Variants in IMMP2L observed in about 807,000 individuals in gnomAD.
The protein encoded by IMMP2L is mitochondrial inner membrane protease subunit 2.
IMMP2L carries 18 observed loss-of-function variants against 19.3 expected under a neutral mutation model. That is an observed-to-expected ratio of 0.93 (90% CI 0.64 to 1.38). IMMP2L has a LOEUF of 1.38. IMMP2L is among the 40% of genes most tolerant of loss of function. The pLI, the probability that IMMP2L is intolerant of heterozygous loss-of-function variation, is 0.00. For synonymous variants in IMMP2L, 76 were observed against 73.0 expected, an observed-to-expected ratio of 1.04 and a Z score of -0.21; for missense variants, 233 against 218.2, an observed-to-expected ratio of 1.07 and a Z score of -0.43.
chr7:110,815,499 T>C (rs994355476), intron 5 of IMMP2L, among the ~76,000 whole-genome samples: 4 of 152,152 alleles, frequency 2.6e-5, no homozygotes, highest in African/African-American at 9.7e-5. Context: ...TTAGGGAGGA[T>C]TTCCTCTTTT....
chr7:111,145,473 C>T (rs1486530905), intron 3 of IMMP2L, among the ~76,000 whole-genome samples: 1 of 152,068 alleles, frequency 6.6e-6, no homozygotes, highest in Non-Finnish European at 1.5e-5. Flanking sequence ...AACAAAAGGC[C>T]ATTGCTCTGG....
chr7:110,703,320 G>A lies in IMMP2L; in HGVS notation c.409-39599C>T, dbSNP rs972965155. On this transcript the variant is annotated intron_variant, in intron 5 of 5. Coordinates refer to ENST00000405709, the MANE Select transcript of IMMP2L (RefSeq NM_032549.4). ...ATATTATCCTTTTTTTTAATGTATT[G>A]TTGGAATCAATCTGCTAATATTTTC... Among the ~76,000 whole-genome samples, 10 of 151,848 alleles carry A rather than the reference G, an allele frequency of 6.6e-5. No homozygotes were observed. In the East Asian group the frequency reaches 1.7e-3, roughly 27 times the overall value.
intron 5 of IMMP2L, among the ~76,000 whole-genome samples, chr7:110,680,168 G>A (rs1792608743): frequency 6.6e-6 from 1 of 152,176 alleles, no homozygotes; most frequent in South Asian, 2.1e-4. Flanking sequence ...TTATTCCAAT[G>A]ATAAGAACTT....
intron 3 of IMMP2L, among the ~76,000 whole-genome samples, chr7:111,136,867 A>G (rs1158825021): frequency 6.6e-6 from 1 of 152,198 alleles, no homozygotes; most frequent in Non-Finnish European, 1.5e-5. Flanking sequence ...CATATTTTAT[A>G]TTATCAGTAA....
chr7:111,049,881 C>T (rs1331349261), intron 3 of IMMP2L, among the ~76,000 whole-genome samples: 2 of 152,138 alleles, frequency 1.3e-5, no homozygotes, highest in Admixed American at 1.3e-4. Flanking sequence ...TGAGTCCCAC[C>T]GCCCCCATAG....
intron 3 of IMMP2L, among the ~76,000 whole-genome samples, chr7:111,472,928 T>C (rs772011354): frequency 5.3e-5 from 8 of 150,958 alleles, no homozygotes; most frequent in Non-Finnish European, 1.2e-4. Context: ...AAACCAAGTC[T>C]CTACTAAAAG....
At chr7:111,383,341 A>G (rs1831389809) in intron 3 of IMMP2L, among the ~76,000 whole-genome samples, 1 of 152,148 alleles carries the variant, frequency 6.6e-6, no homozygotes, top group Non-Finnish European at 1.5e-5. Flanking sequence ...TGGGAGTGGT[A>G]GGCATGCCTA....
At chr7:111,501,063 T>A (rs1404984178) in intron 2 of IMMP2L, among the ~76,000 whole-genome samples, 1 of 151,996 alleles carries the variant, frequency 6.6e-6, no homozygotes, top group East Asian at 1.9e-4. Context: ...GCAAAGAAGT[T>A]AAAAACTTTG....
chr7:110,682,832 A>G lies in IMMP2L; in HGVS notation c.409-19111T>C, dbSNP rs138898258. On this transcript the variant is annotated intron_variant, in intron 5 of 5. Coordinates refer to ENST00000405709, the MANE Select transcript of IMMP2L (RefSeq NM_032549.4). ...TGGGAACACAGTGCTCACAGAGGGA[A>G]AGAGAAGAAAGCAAGAGCACTAAGG... Among the ~76,000 whole-genome samples the G allele has an allele frequency of 5.2e-4, 79 of 152,220 alleles. 1 individual carries two copies. The East Asian group carries it at 8.1e-3, about 16-fold the overall frequency.
intron 5 of IMMP2L, among the ~76,000 whole-genome samples, chr7:110,693,834 TTTG>T (rs749916950): frequency 7.9e-5 from 12 of 152,042 alleles, no homozygotes; most frequent in Non-Finnish European, 1.5e-4. Flanking sequence ...TCAGTTTTGT[TTTG>T]TTGTTGTTGT....
chr7:111,426,207 T>C (rs1405361767), intron 3 of IMMP2L, among the ~76,000 whole-genome samples: 2 of 151,128 alleles, frequency 1.3e-5, no homozygotes, highest in Admixed American at 6.6e-5. Flanking sequence ...TTCTCAAATA[T>C]GTCAAAATAA....
chr7:111,529,146 C>A (rs968297700), intron 1 of IMMP2L, among the ~76,000 whole-genome samples: 3 of 152,138 alleles, frequency 2.0e-5, no homozygotes, highest in African/African-American at 7.2e-5. Flanking sequence ...CCAGAGGGAC[C>A]TGTGACAAGG....
chr7:111,237,744 C>G (rs1814507067), intron 3 of IMMP2L, among the ~76,000 whole-genome samples: 1 of 151,540 alleles, frequency 6.6e-6, no homozygotes, highest in South Asian at 2.1e-4. Flanking sequence ...TTCAATTAGT[C>G]CAATCTGCTG....
At chr7:111,487,212 ATATAG>A (rs1842729207) in intron 3 of IMMP2L, 21 bp downstream of exon 3, 1 of 1,023,746 alleles carries the variant, frequency 9.8e-7, no homozygotes, top group Non-Finnish European at 1.5e-6. Context: ...TTATATACAA[ATATAG>A]TATGCTTCTG....
chr7:110,868,237 G>A (rs1456772752), intron 5 of IMMP2L, among the ~76,000 whole-genome samples: 1 of 151,140 alleles, frequency 6.6e-6, no homozygotes, highest in Non-Finnish European at 1.5e-5. Flanking sequence ...AGAACACCTG[G>A]TGTATATTAT....
intron 3 of IMMP2L, among the ~76,000 whole-genome samples, chr7:111,089,781 GA>G (rs934301617): frequency 6.6e-5 from 10 of 151,614 alleles, no homozygotes; most frequent in East Asian, 5.8e-4. Flanking sequence ...AATTCTTATA[GA>G]AAAAAACATT....
At chr7:110,876,856 T>C (rs1809129132) in intron 5 of IMMP2L, among the ~76,000 whole-genome samples, 1 of 152,174 alleles carries the variant, frequency 6.6e-6, no homozygotes, top group South Asian at 2.1e-4. Flanking sequence ...TGTTCCAAAA[T>C]GTAAACGGCT....
chr7:110,833,454 AAAG>A lies in IMMP2L; in HGVS notation c.408+53136_408+53138del, dbSNP rs1432445553. Among the ~76,000 whole-genome samples, 415 of 137,028 alleles carry A rather than the reference AAAG, an allele frequency of 3.0e-3. 5 individuals carry two copies. The highest frequency in any genetic ancestry group is 9.8e-3 in the African/African-American group (390 of 39,802). 89.9% of individuals were successfully genotyped at this position (137,028 alleles called of 152,430 possible). A position where few individuals can be genotyped will look rare whatever the true frequency, so the allele number is the denominator to read the frequency against. The stretch of plus-strand genomic sequence containing the variant: ...AACTTCGTCTCAAAAAAAAAAAAAA[AAAG>A]AGAGAGAGAGCTTTAATCACAAAAT... On this transcript the variant is annotated intron_variant, in intron 5 of 5. Coordinates refer to ENST00000405709, the MANE Select transcript of IMMP2L (RefSeq NM_032549.4).
At chr7:111,367,644 T>C (rs1667489982) in intron 3 of IMMP2L, among the ~76,000 whole-genome samples, 1 of 151,952 alleles carries the variant, frequency 6.6e-6, no homozygotes, top group Admixed American at 6.6e-5. Context: ...TATCCTATTA[T>C]TTTCCCTCTT....
Sources: allele counts gnomAD v4.1 joint callset (sites outside exome capture counted in the v4.1 genomes callset), GRCh38; gene constraint gnomAD v4.1.1; transcripts MANE v1.5; gene names NCBI Gene and HGNC (gene_info 2026-07-23, HGNC 2026-07-21).